The following SMC6 variants were observed in gnomAD, a reference collection of about 807,000 sequenced individuals.
SMC6 encodes structural maintenance of chromosomes 6.
In SMC6, 79 loss-of-function variants were observed where a neutral mutation model predicts 142.2. The ratio of observed to expected loss-of-function variants is 0.56; its 90% CI spans 0.46 to 0.67. The LOEUF (loss-of-function observed/expected upper bound fraction) is 0.67. Ranked by LOEUF, SMC6 falls within the 30% of genes least tolerant of loss-of-function variation. The pLI, the probability that SMC6 is intolerant of heterozygous loss-of-function variation, is 0.00. For synonymous variants in SMC6, 411 were observed against 412.4 expected, an observed-to-expected ratio of 1.00 and a Z score of 0.04; for missense variants, 1,072 against 1,284.0, an observed-to-expected ratio of 0.83 and a Z score of 2.52.
chr2:17,684,310 G>A (rs754433311), intron 23 of SMC6, among the ~76,000 whole-genome samples: 1 of 152,210 alleles, frequency 6.6e-6, no homozygotes, highest in Non-Finnish European at 1.5e-5. Context: ...CCTGGTCGAG[G>A]CTCCCACAGC....
At chr2:17,707,063 G>A (rs1179698359) in intron 18 of SMC6, among the ~76,000 whole-genome samples, 156 bp downstream of exon 18, 1 of 152,148 alleles carries the variant, frequency 6.6e-6, no homozygotes, top group Non-Finnish European at 1.5e-5. Flanking sequence ...TGTCAACCTC[G>A]AATTCTATGA....
chr2:17,729,840 G>C (rs920445922), intron 7 of SMC6, among the ~76,000 whole-genome samples: 2 of 152,122 alleles, frequency 1.3e-5, no homozygotes, highest in Non-Finnish European at 2.9e-5. Flanking sequence ...CAATTTCTTA[G>C]TCACAATTTC....
intron 25 of SMC6, 121 bp downstream of exon 25, chr2:17,678,738 T>C: frequency 1.5e-6 from 1 of 664,930 alleles, no homozygotes; most frequent in Non-Finnish European, 2.5e-6. Context: ...ATTGTACCAC[T>C]GCACTCCAGC....
Position 17,741,682 on chromosome 2 carries a change from G to T in SMC6, c.168C>A (p.Phe56Leu). ...AAGGTCCAAGCATTGAATGACACAT[G>T]AAGTTTTTTAGGTGAATACTCTCAA... ...GIIESIHLKN[F>L]MCHSMLGPFK... Residue 56 changes from phenylalanine (F) to leucine (L), a missense_variant, in exon 4 of 28, where the codon TTC (phenylalanine) becomes TTA (leucine). Around this residue, in one of 3 missense-constraint regions of SMC6, gnomAD observed 994 missense variants for 1,153.2 expected, o/e 0.86. Transcript: ENST00000448223. 6.2e-7 allele frequency: 1 copy of T among 1,611,786 alleles called. No homozygotes were observed. The highest frequency in any genetic ancestry group is 8.5e-7 in the Non-Finnish European group (1 of 1,179,200).
At chr2:17,732,831 C>T (rs1287033662) in intron 5 of SMC6, among the ~76,000 whole-genome samples, 1 of 151,882 alleles carries the variant, frequency 6.6e-6, no homozygotes, top group African/African-American at 2.4e-5. Flanking sequence ...TCTGCCTAAC[C>T]AATAGGCTCT....
chr2:17,730,979 C>A, intron 7 of SMC6, 99 bp downstream of exon 7: 1 of 846,786 alleles, frequency 1.2e-6, no homozygotes, highest in Non-Finnish European at 2.0e-6. Context: ...GGTCAGTTTA[C>A]TCATATGAGG....
intron 25 of SMC6, among the ~76,000 whole-genome samples, chr2:17,673,876 G>C (rs1014925460): frequency 6.6e-6 from 1 of 151,948 alleles, no homozygotes; most frequent in Non-Finnish European, 1.5e-5. Context: ...GCCGCTTACT[G>C]TTTATTTTAC....
At chr2:17,694,000 C>CAAAAAA (rs751816590) in intron 23 of SMC6, among the ~76,000 whole-genome samples, 6 of 34,446 alleles carry the variant, frequency 1.7e-4, no homozygotes, top group Admixed American at 6.1e-4. Flanking sequence ...AACTCCATCT[C>CAAAAAA]AAAAAAAAAA....
intron 25 of SMC6, among the ~76,000 whole-genome samples, chr2:17,671,479 T>C (rs1666758118): frequency 6.6e-6 from 1 of 151,498 alleles, no homozygotes. Context: ...CATGGTGGCA[T>C]ACTCCTGTGG....
chr2:17,706,202 T>A (rs1250256040), intron 18 of SMC6, among the ~76,000 whole-genome samples: 1 of 152,160 alleles, frequency 6.6e-6, no homozygotes, highest in Non-Finnish European at 1.5e-5. Flanking sequence ...TTATAGCATT[T>A]TAACAATTCA....
chr2:17,689,665 G>C (rs1049914262), intron 23 of SMC6, among the ~76,000 whole-genome samples: 24 of 152,118 alleles, frequency 1.6e-4, no homozygotes, highest in African/African-American at 5.8e-4. Flanking sequence ...ACTAGATCCA[G>C]GGCCCCCTGG....
chr2:17,714,051 C>G (rs1668956604), intron 16 of SMC6, among the ~76,000 whole-genome samples: 1 of 150,986 alleles, frequency 6.6e-6, no homozygotes. Context: ...TTTAAAATGT[C>G]ATCTGGGAAT....
chr2:17,686,230 C>T (rs577425003), intron 23 of SMC6, among the ~76,000 whole-genome samples: 1 of 152,136 alleles, frequency 6.6e-6, no homozygotes, highest in South Asian at 2.1e-4. Context: ...GCCTATAATC[C>T]CAGCACTTTG....
At chr2:17,746,712 C>T (rs1572367942) in intron 2 of SMC6, among the ~76,000 whole-genome samples, 2 of 152,146 alleles carry the variant, frequency 1.3e-5, no homozygotes, top group South Asian at 4.1e-4. Context: ...ACTGGATCTC[C>T]AGTCAAAGCT....
At chr2:17,731,256 G>C (rs1363505229) in intron 6 of SMC6, 117 bp from the exon 7 acceptor site, 10 of 686,484 alleles carry the variant, frequency 1.5e-5, no homozygotes, top group Non-Finnish European at 2.2e-5. Context: ...CATCAAGAAA[G>C]GTACCATTGA....
At chr2:17,695,086 T>C (rs1217807077) in intron 23 of SMC6, 66 bp downstream of exon 23, 3 of 1,565,022 alleles carry the variant, frequency 1.9e-6, no homozygotes, top group East Asian at 2.2e-5. Flanking sequence ...GTATATGTTT[T>C]TCATTTTTTG....
At chr2:17,734,184 A>G (rs1429418524) in intron 5 of SMC6, among the ~76,000 whole-genome samples, 1 of 152,140 alleles carries the variant, frequency 6.6e-6, no homozygotes, top group Non-Finnish European at 1.5e-5. Flanking sequence ...AGAAAGCCCC[A>G]GAGAGAGAAG....
intron 3 of SMC6, among the ~76,000 whole-genome samples, chr2:17,742,945 T>G (rs1670552784): frequency 6.6e-6 from 1 of 152,132 alleles, no homozygotes; most frequent in African/African-American, 2.4e-5. Context: ...CACATCCACA[T>G]CCCACCTTAA....
At position 17,668,043 on chromosome 2, in the gene SMC6, C is replaced by T. The variant is rs573382615; in HGVS notation, c.3064-1526G>A. 2.6e-5 allele frequency among the ~76,000 whole-genome samples: 4 copies of T among 151,158 alleles called. No homozygotes were observed. In the South Asian group the frequency reaches 8.4e-4, roughly 32 times the overall value. ...TTTTATAACAAAACTGCCAAAGTAC[C>T]AAAAAAAAATTTGTTTTCCTTGGAT... On this transcript the variant is annotated intron_variant, in intron 26 of 27. Transcript: ENST00000448223.
Sources: gnomAD v4.1 joint callset for allele counts (sites outside exome capture counted in the v4.1 genomes callset) on GRCh38, gnomAD v4.1.1 for gene constraint, gnomAD v4.1.1 regional missense constraint, MANE v1.5 for transcripts, NCBI Gene and HGNC (gene_info 2026-07-23, HGNC 2026-07-21) for gene names.